The following MMD2 variants were observed in gnomAD, a reference collection of about 807,000 sequenced individuals.
MMD2 encodes monocyte to macrophage differentiation associated 2, also known as monocyte to macrophage differentiation factor 2.
A neutral mutation model predicts 33.5 loss-of-function variants in MMD2; 30 were observed. The ratio of observed to expected loss-of-function variants is 0.90; its 90% confidence interval spans 0.67 to 1.22. The LOEUF (loss-of-function observed/expected upper bound fraction) is 1.22. MMD2 is among the 50% of genes most tolerant of loss of function. The probability of loss-of-function intolerance (pLI) is 0.00; values close to 1 mark genes in which losing one functional copy is unlikely to be tolerated. For synonymous variants in MMD2, 129 were observed against 123.0 expected, an observed-to-expected ratio of 1.05 and a Z score of -0.32; for missense variants, 364 against 325.4, an observed-to-expected ratio of 1.12 and a Z score of -0.91.
rs747897401 is a variant in MMD2 at position 4,948,249 on chromosome 7, G to A, written c.47+10722C>T. On this transcript the variant is annotated intron_variant, in intron 1 of 6. Coordinates refer to ENST00000401401, the MANE Select transcript of MMD2 (RefSeq NM_198403.4). ...ATCTCAAAATCCACATGTTGAGGCC[G>A]GGTGTGGTAGCTCACACCTGTCATC... Among the ~76,000 whole-genome samples, 29 of 152,250 alleles carry A rather than the reference G, an allele frequency of 1.9e-4. 1 individual carries two copies. The highest frequency in any genetic ancestry group is 3.4e-4 in the Non-Finnish European group (23 of 68,018).
rs149492356 is a variant in MMD2 at position 4,947,014 on chromosome 7, C to T, written c.47+11957G>A. 3.2e-4 allele frequency among the ~76,000 whole-genome samples: 48 copies of T among 152,206 alleles called. No homozygotes were observed. The East Asian group carries it at 9.3e-3, about 29-fold the overall frequency. The stretch of plus-strand genomic sequence containing the variant: ...CCTGAGGTCAGGAGTTCAAGACCAA[C>T]GTGGCCAACTTGGTGAAACCCCATC... On this transcript the variant is annotated intron_variant, in intron 1 of 6. Transcript: ENST00000401401.
chr7:4,929,012 G>C (rs1304370413), intron 1 of MMD2, among the ~76,000 whole-genome samples: 4 of 152,180 alleles, frequency 2.6e-5, no homozygotes, highest in Admixed American at 6.6e-5. Context: ...GGAGCATATT[G>C]TGTATGCTGG....
At chr7:4,945,185 T>TTTCTTCTTCTTCTCCTTCTTC (rs1554273332) in intron 1 of MMD2, among the ~76,000 whole-genome samples, 10 of 93,480 alleles carry the variant, frequency 1.1e-4, no homozygotes, top group Non-Finnish European at 1.9e-4. Flanking sequence ...CCTCTTCCTC[T>TTTCTTCTTCTTCTCCTTCTTC]TTCTTCTTCT....
intron 1 of MMD2, among the ~76,000 whole-genome samples, chr7:4,928,979 A>G (rs1022298527): frequency 6.6e-6 from 1 of 152,222 alleles, no homozygotes; most frequent in Non-Finnish European, 1.5e-5. Flanking sequence ...GCTGTATGCT[A>G]GCATAGTTCA....
chr7:4,917,915 T>C (rs1785181956), intron 3 of MMD2, among the ~76,000 whole-genome samples: 1 of 152,186 alleles, frequency 6.6e-6, no homozygotes, highest in South Asian at 2.1e-4. Context: ...AAATAGGACA[T>C]TGCAGAAATG....
rs969190475 is a variant in MMD2, at chr7:4,946,122, C to T, written c.47+12849G>A. ...ACGCATGCACACGCGCACACGCACG[C>T]ACACACCTGCACACGCACGCACACC... On this transcript the variant is annotated intron_variant, in intron 1 of 6. Coordinates refer to ENST00000401401, the MANE Select transcript of MMD2 (RefSeq NM_198403.4). The surrounding 1 kb of genome is among the most constrained non-coding windows in gnomAD (Gnocchi z 5.0). Among the ~76,000 whole-genome samples the T allele has an allele frequency of 6.6e-6, 1 of 151,634 alleles. No homozygotes were observed. The highest frequency in any genetic ancestry group is 2.4e-5 in the African/African-American group (1 of 41,294).
At chr7:4,897,919 G>A in the MMD2 span, among the ~76,000 whole-genome samples, 3 of 152,074 alleles carry the variant, frequency 2.0e-5, no homozygotes, top group Admixed American at 6.6e-5. Context: ...TGTATTTTTA[G>A]TAGAGATGGT....
rs138821897 is a variant in MMD2 at position 4,935,398 on chromosome 7, C to T, written c.48-9866G>A. On this transcript the variant is annotated intron_variant, in intron 1 of 6. Coordinates refer to ENST00000401401, the MANE Select transcript of MMD2 (RefSeq NM_198403.4). ...GACTGGGCTCCACACCCAGAGATTT[C>T]AGTTTATTCGGTCTGGGGTAAAGCC... Among the ~76,000 whole-genome samples the T allele has an allele frequency of 1.7e-3, 257 of 151,780 alleles. 1 individual carries two copies. Among genetic ancestry groups the T allele is most frequent in the African/African-American group, 5.7e-3 (238 of 41,394 alleles).
chr7:4,925,006 C>G (rs1477725822), intron 2 of MMD2, among the ~76,000 whole-genome samples: 1 of 152,154 alleles, frequency 6.6e-6, no homozygotes, highest in Non-Finnish European at 1.5e-5. Context: ...TCTCGGCTCA[C>G]TGCAACCTCC....
chr7:4,945,185 T>TTTCTTCTTCTTCTCCTTCTTCTTC (rs1554273332), intron 1 of MMD2, among the ~76,000 whole-genome samples: 2 of 93,480 alleles, frequency 2.1e-5, no homozygotes, highest in Non-Finnish European at 4.3e-5. Context: ...CCTCTTCCTC[T>TTTCTTCTTCTTCTCCTTCTTCTTC]TTCTTCTTCT....
chr7:4,907,643 C>A, intron 6 of MMD2, 44 bp from the exon 7 acceptor site: 1 of 1,600,554 alleles, frequency 6.2e-7, no homozygotes, highest in South Asian at 1.1e-5. Context: ...GAGGGGCAGT[C>A]AGTGTGGCTG....
At chr7:4,920,010 T>G (rs1260617008) in intron 3 of MMD2, among the ~76,000 whole-genome samples, 161 bp downstream of exon 3, 1 of 152,198 alleles carries the variant, frequency 6.6e-6, no homozygotes, top group Non-Finnish European at 1.5e-5. Flanking sequence ...TTGTGCCTCC[T>G]GCAAAGCCAG....
At chr7:4,957,536 C>G (rs1462673725) in intron 1 of MMD2, among the ~76,000 whole-genome samples, 2 of 151,056 alleles carry the variant, frequency 1.3e-5, no homozygotes, top group Admixed American at 6.6e-5. Flanking sequence ...GTAGTCCCAG[C>G]TACTCGGAAG....
At chr7:4,897,137 G>T in the MMD2 span, among the ~76,000 whole-genome samples, 1 of 151,324 alleles carries the variant, frequency 6.6e-6, no homozygotes, top group Non-Finnish European at 1.5e-5. Context: ...TGGGATTACA[G>T]GCATGAGCCA....
chr7:4,912,113 T>A (rs1158314811), intron 4 of MMD2, among the ~76,000 whole-genome samples: 3 of 149,526 alleles, frequency 2.0e-5, no homozygotes, highest in Non-Finnish European at 4.5e-5. Context: ...CTCAAAAAAA[T>A]TAAAAATAAT....
rs59050623 is a variant in MMD2, at chr7:4,940,908, C to G, written c.48-15376G>C. Among the ~76,000 whole-genome samples the G allele has an allele frequency of 0.027, 4,043 of 152,220 alleles. 184 individuals are homozygous for G. The highest frequency in any genetic ancestry group is 0.093 in the African/African-American group (3,852 of 41,524). ...CGACAGATCTGAGACCAGCTCCCAG[C>G]CTTGGCGCCCACCCTGTGGCTCCCC... is the stretch of plus-strand genomic sequence containing the variant. On this transcript the variant is annotated intron_variant, in intron 1 of 6. Coordinates refer to ENST00000401401, the MANE Select transcript of MMD2 (RefSeq NM_198403.4). This position sits in a 1 kb window ranked among gnomAD's most constrained non-coding sequence, Gnocchi z 5.0.
chr7:4,920,147 G>C lies in MMD2; in HGVS notation c.290+24C>G, dbSNP rs953636613. The C allele has an allele frequency of 6.4e-6, 10 of 1,550,502 alleles. No individual in the cohort carries two copies. In the South Asian group the frequency reaches 9.5e-5, roughly 15 times the overall value. On this transcript the variant is annotated intron_variant, in intron 3 of 6. Transcript: ENST00000401401. ...CCTGCCCCGACCCCCTACCCGGCAT[G>C]GGTCCCCTCTGGGCGGGAGGCACCT...
chr7:4,893,437 G>C, the MMD2 span, among the ~76,000 whole-genome samples: 147 of 150,664 alleles, frequency 9.8e-4, 1 homozygote, highest in African/African-American at 3.5e-3. Flanking sequence ...TGTCACTCAG[G>C]CTGGAGTGCA....
the MMD2 span, among the ~76,000 whole-genome samples, chr7:4,894,915 T>C: frequency 6.6e-6 from 1 of 152,022 alleles, no homozygotes; most frequent in Non-Finnish European, 1.5e-5. The surrounding 1 kb of genome is among the most constrained non-coding windows in gnomAD (Gnocchi z 4.3). Context: ...CTCTCAGCCA[T>C]CCATGGGGAA....
Sources: allele counts gnomAD v4.1 joint callset (sites outside exome capture counted in the v4.1 genomes callset), GRCh38; gene constraint gnomAD v4.1.1; non-coding constraint Gnocchi (gnomAD v3.1); transcripts MANE v1.5; gene names NCBI Gene and HGNC (gene_info 2026-07-23, HGNC 2026-07-21).